Variants in NPSR1 observed in about 807,000 individuals in gnomAD.
NPSR1 encodes the protein neuropeptide S receptor 1.
Under a neutral mutation model 46.9 loss-of-function variants are expected in NPSR1, and 48 were observed. That is an observed-to-expected ratio of 1.02 (90% CI 0.81 to 1.30). The LOEUF (loss-of-function observed/expected upper bound fraction) is 1.30, where lower values mean the gene tolerates loss of function less well. Among genes scored for constraint, NPSR1 ranks in the 50% most tolerant of loss-of-function variants. The pLI, the probability that NPSR1 is intolerant of heterozygous loss-of-function variation, is 0.00. For synonymous variants in NPSR1, 176 were observed against 168.1 expected, an observed-to-expected ratio of 1.05 and a Z score of -0.36; for missense variants, 450 against 449.5, an observed-to-expected ratio of 1.00 and a Z score of -0.01.
intron 6 of NPSR1, 82 bp from the exon 7 acceptor site, chr7:34,844,814 A>G: frequency 1.1e-6 from 1 of 905,878 alleles, no homozygotes; most frequent in Non-Finnish European, 1.9e-6. Context: ...CTGGAGTCTA[A>G]CCTTTAATGT....
At chr7:34,797,285 A>G (rs35963851) in intron 3 of NPSR1, among the ~76,000 whole-genome samples, 18,640 of 152,204 alleles carry the variant, frequency 0.12, 1,438 homozygotes, top group Non-Finnish European at 0.17. Flanking sequence ...GTCAAAATAC[A>G]ATGTATAACA....
intron 6 of NPSR1, among the ~76,000 whole-genome samples, chr7:34,835,099 G>A (rs1016771894): frequency 6.6e-6 from 1 of 152,202 alleles, no homozygotes; most frequent in Non-Finnish European, 1.5e-5. Flanking sequence ...TACTGGACCT[G>A]ACCAAGGTCA....
chr7:34,827,821 G>A lies in NPSR1; in HGVS notation c.680+219G>A, dbSNP rs181352585. On this transcript the variant is annotated intron_variant, in intron 5 of 8. Transcript: ENST00000360581. ...GAATTAACAATTACTGGGTATATAG[G>A]GCAGGCATTGTGCTAAATAGCTAAC... Among the ~76,000 whole-genome samples the A allele has an allele frequency of 1.4e-4, 22 of 152,238 alleles. No homozygotes were observed. The East Asian group carries it at 4.2e-3, about 29-fold the overall frequency.
chr7:34,769,074 G>T (rs1179964361), intron 2 of NPSR1, among the ~76,000 whole-genome samples: 5 of 152,028 alleles, frequency 3.3e-5, no homozygotes, highest in African/African-American at 1.2e-4. Context: ...TGATGTGTTT[G>T]GATTGAAATC....
At chr7:34,790,104 T>C (rs1326467360) in intron 3 of NPSR1, among the ~76,000 whole-genome samples, 2 of 152,124 alleles carry the variant, frequency 1.3e-5, no homozygotes, top group African/African-American at 4.8e-5. Flanking sequence ...CTGATGAACA[T>C]AGGTTTAAAA....
At chr7:34,744,822 G>T (rs569635500) in intron 2 of NPSR1, among the ~76,000 whole-genome samples, 1 of 152,248 alleles carries the variant, frequency 6.6e-6, no homozygotes, top group East Asian at 1.9e-4. Flanking sequence ...AGTACAGTTG[G>T]CCCTTTGTAT....
intron 7 of NPSR1, among the ~76,000 whole-genome samples, chr7:34,847,141 G>A (rs1216615335): frequency 6.6e-6 from 1 of 152,174 alleles, no homozygotes; most frequent in Non-Finnish European, 1.5e-5. Flanking sequence ...GGGGTCGAGA[G>A]GGGAAACATG....
intron 8 of NPSR1, among the ~76,000 whole-genome samples, chr7:34,869,234 C>T (rs1003963691): frequency 4.0e-5 from 6 of 151,500 alleles, no homozygotes; most frequent in African/African-American, 1.2e-4. Flanking sequence ...CATAACCAAG[C>T]GGAGGCAAAA....
At chr7:34,713,418 C>T (rs1783402223) in intron 2 of NPSR1, among the ~76,000 whole-genome samples, 1 of 152,208 alleles carries the variant, frequency 6.6e-6, no homozygotes, top group African/African-American at 2.4e-5. Context: ...AGAATTCCTC[C>T]TTTGTAGGCC....
intron 2 of NPSR1, among the ~76,000 whole-genome samples, chr7:34,696,748 G>T (rs1364299885): frequency 2.2e-5 from 3 of 136,594 alleles, no homozygotes; most frequent in African/African-American, 9.0e-5. Flanking sequence ...AAAAGATAAA[G>T]CCCAGACTGG....
At chr7:34,773,924 G>A (rs1208373034) in intron 2 of NPSR1, among the ~76,000 whole-genome samples, 1 of 152,062 alleles carries the variant, frequency 6.6e-6, no homozygotes, top group Non-Finnish European at 1.5e-5. Flanking sequence ...CACACATTGT[G>A]CCCACTCCCA....
chr7:34,757,721 C>T (rs146268921), intron 2 of NPSR1, among the ~76,000 whole-genome samples: 30 of 152,262 alleles, frequency 2.0e-4, no homozygotes, highest in African/African-American at 4.3e-4. Flanking sequence ...GACCCAACCT[C>T]GGCCCAACCC....
intron 4 of NPSR1, among the ~76,000 whole-genome samples, chr7:34,821,006 G>A (rs1201012821): frequency 6.6e-6 from 1 of 152,102 alleles, no homozygotes; most frequent in Admixed American, 6.5e-5. Context: ...TGCCCATCAT[G>A]GCTTGGAACA....
At chr7:34,845,702 T>C in intron 7 of NPSR1, 1 of 406,830 alleles carries the variant, frequency 2.5e-6, no homozygotes. Context: ...GTCTCCCCTG[T>C]TGGAGTAATA....
chr7:34,683,607 T>C (rs1026231358), intron 1 of NPSR1, among the ~76,000 whole-genome samples: 2 of 152,176 alleles, frequency 1.3e-5, no homozygotes, highest in South Asian at 4.1e-4. Flanking sequence ...ATTTCTACAG[T>C]GCCAGGGTCT....
chr7:34,865,401 C>T (rs768255886), intron 8 of NPSR1, among the ~76,000 whole-genome samples: 18 of 151,646 alleles, frequency 1.2e-4, no homozygotes, highest in Non-Finnish European at 2.2e-4. Context: ...CAGCTCCCCC[C>T]ATGAAAAAGA....
At chr7:34,786,458 A>G (rs559676311) in intron 3 of NPSR1, among the ~76,000 whole-genome samples, 157 of 152,240 alleles carry the variant, frequency 1.0e-3, no homozygotes, top group African/African-American at 3.5e-3. Flanking sequence ...AAGAGTTGGA[A>G]TCAACCTTCT....
Position 34,756,791 on chromosome 7 carries a change from C to T in NPSR1, c.281-21671C>T, listed in dbSNP as rs192481430. On this transcript the variant is annotated intron_variant, in intron 2 of 8. Coordinates refer to ENST00000360581, the MANE Select transcript of NPSR1 (RefSeq NM_207172.2). Reference sequence around the variant, plus strand: ...TCTCTGCCATTTGTTATTTCTGTGGCTTTCGACATATTACTTACATTCACT... The same window carrying T: ...TCTCTGCCATTTGTTATTTCTGTGGTTTTCGACATATTACTTACATTCACT... Among the ~76,000 whole-genome samples the T allele has an allele frequency of 3.9e-3, 597 of 152,310 alleles. 9 individuals carry two copies. Among genetic ancestry groups the T allele is most frequent in the Admixed American group, 5.0e-3 (77 of 15,302 alleles).
intron 3 of NPSR1, among the ~76,000 whole-genome samples, chr7:34,796,035 C>T (rs1468549211): frequency 6.6e-6 from 1 of 152,010 alleles, no homozygotes; most frequent in Non-Finnish European, 1.5e-5. Context: ...AGACAGTGTG[C>T]TATTAGTGAA....
Sources: allele counts gnomAD v4.1 joint callset (sites outside exome capture counted in the v4.1 genomes callset), GRCh38; gene constraint gnomAD v4.1.1; transcripts MANE v1.5; gene names NCBI Gene and HGNC (gene_info 2026-07-23, HGNC 2026-07-21).